GULP1: variants seen among roughly 807,000 people sequenced by gnomAD.
The protein encoded by GULP1 is GULP PTB domain containing engulfment adaptor 1.
A neutral mutation model predicts 40.9 loss-of-function variants in GULP1; 19 were observed. The observed-to-expected ratio is 0.46, with a 90% CI of 0.32 to 0.68. The LOEUF (loss-of-function observed/expected upper bound fraction) is 0.68. Among genes scored for constraint, GULP1 ranks in the 30% least tolerant of loss-of-function variants. GULP1 has a pLI of 0.03. For missense variants in GULP1, 312 were observed against 362.2 expected, an observed-to-expected ratio of 0.86 and a Z score of 1.12; for synonymous variants, 119 against 117.6, an observed-to-expected ratio of 1.01 and a Z score of -0.08.
chr2:188,363,484 T>C (rs983588751), intron 1 of GULP1, among the ~76,000 whole-genome samples: 7 of 152,170 alleles, frequency 4.6e-5, no homozygotes, highest in Middle Eastern at 3.4e-3. Context: ...GGATGGTAGA[T>C]AGGTGGGTGG....
chr2:188,429,041 A>G (rs1009725121), intron 2 of GULP1, among the ~76,000 whole-genome samples: 3 of 152,178 alleles, frequency 2.0e-5, no homozygotes, highest in Admixed American at 6.5e-5. Context: ...AACATATTAT[A>G]TTGTTAGATA....
At chr2:188,324,904 G>A (rs1315896040) in intron 1 of GULP1, among the ~76,000 whole-genome samples, 1 of 151,924 alleles carries the variant, frequency 6.6e-6, no homozygotes, top group African/African-American at 2.4e-5. Context: ...AAACACAGAA[G>A]TCAGAAGACA....
Position 188,426,803 on chromosome 2 carries a change from T to A in GULP1, c.-45+42914T>A, listed in dbSNP as rs931289750. Among the ~76,000 whole-genome samples, 3 of 152,140 alleles carry A rather than the reference T, an allele frequency of 2.0e-5. No individual in the cohort carries two copies. The South Asian group carries it at 6.2e-4, about 31-fold the overall frequency. Reference sequence around the variant, plus strand: ...ATAAAGATACCTGAAAATGTGAAAGTAACTTTGGAACTGGGTCATGGGCAG... The same window carrying A: ...ATAAAGATACCTGAAAATGTGAAAGAAACTTTGGAACTGGGTCATGGGCAG... On this transcript the variant is annotated intron_variant, in intron 2 of 11. Transcript: ENST00000409830.
At chr2:188,568,154 A>T (rs1348825789) in intron 7 of GULP1, among the ~76,000 whole-genome samples, 1 of 152,158 alleles carries the variant, frequency 6.6e-6, no homozygotes, top group East Asian at 1.9e-4. Context: ...TAAAAATTCT[A>T]TTAAATGATA....
At chr2:188,317,556 G>T (rs2039289545) in intron 1 of GULP1, among the ~76,000 whole-genome samples, 1 of 151,870 alleles carries the variant, frequency 6.6e-6, no homozygotes, top group African/African-American at 2.4e-5. Flanking sequence ...CCAGATTATG[G>T]TGCAGTCTGT....
chr2:188,317,837 A>G (rs2039352429), intron 1 of GULP1, among the ~76,000 whole-genome samples: 1 of 151,882 alleles, frequency 6.6e-6, no homozygotes, highest in Non-Finnish European at 1.5e-5. Flanking sequence ...TGGATCGAAG[A>G]TGATATTAGA....
intron 2 of GULP1, among the ~76,000 whole-genome samples, chr2:188,429,111 A>G (rs991061927): frequency 6.6e-6 from 1 of 152,150 alleles, no homozygotes; most frequent in African/African-American, 2.4e-5. Flanking sequence ...ACTATATCAC[A>G]TGAAGGCAGT....
At chr2:188,547,283 A>G (rs895276548) in intron 7 of GULP1, among the ~76,000 whole-genome samples, 3 of 151,912 alleles carry the variant, frequency 2.0e-5, no homozygotes, top group African/African-American at 7.2e-5. Flanking sequence ...CCTCAGGAAC[A>G]TAAATGTAAA....
intron 3 of GULP1, among the ~76,000 whole-genome samples, chr2:188,481,662 T>A (rs910342600): frequency 1.3e-5 from 2 of 151,942 alleles, no homozygotes; most frequent in African/African-American, 2.4e-5. Context: ...AAATTATTAA[T>A]ACCTCTCTGC....
intron 2 of GULP1, among the ~76,000 whole-genome samples, chr2:188,441,566 T>C (rs2057937645): frequency 6.6e-6 from 1 of 152,158 alleles, no homozygotes; most frequent in South Asian, 2.1e-4. Flanking sequence ...TAAGGGGTGT[T>C]TGCATTCAGG....
intron 7 of GULP1, among the ~76,000 whole-genome samples, chr2:188,568,689 C>T (rs1320923045): frequency 6.6e-6 from 1 of 152,116 alleles, no homozygotes; most frequent in Non-Finnish European, 1.5e-5. Flanking sequence ...TCACTTCCAC[C>T]AGGCAACAAT....
At chr2:188,479,694 T>A (rs2061302273) in intron 3 of GULP1, among the ~76,000 whole-genome samples, 2 of 152,146 alleles carry the variant, frequency 1.3e-5, no homozygotes, top group African/African-American at 4.8e-5. Context: ...ATGCTTATAA[T>A]CCTCCTTTCC....
At chr2:188,413,747 A>G (rs998989347) in intron 2 of GULP1, among the ~76,000 whole-genome samples, 1 of 152,194 alleles carries the variant, frequency 6.6e-6, no homozygotes, top group African/African-American at 2.4e-5. Context: ...TGCTTACATA[A>G]GGAATTGAAA....
At chr2:188,415,383 C>T (rs1188356577) in intron 2 of GULP1, among the ~76,000 whole-genome samples, 1 of 151,974 alleles carries the variant, frequency 6.6e-6, no homozygotes, top group African/African-American at 2.4e-5. Flanking sequence ...CAGGGCTGTA[C>T]ATATCTGTCT....
intron 1 of GULP1, among the ~76,000 whole-genome samples, chr2:188,375,627 G>A (rs1425979006): frequency 2.0e-5 from 3 of 152,194 alleles, no homozygotes; most frequent in African/African-American, 7.2e-5. Context: ...CAGCTTTTAG[G>A]AGTAACAGGT....
intron 6 of GULP1, among the ~76,000 whole-genome samples, chr2:188,538,361 C>G (rs1035363690): frequency 1.3e-5 from 2 of 151,844 alleles, no homozygotes; most frequent in African/African-American, 2.4e-5. Context: ...AATTCTATTC[C>G]CAGAAGTGAG....
chr2:188,545,606 T>C (rs1314170740), intron 7 of GULP1, among the ~76,000 whole-genome samples: 3 of 151,624 alleles, frequency 2.0e-5, no homozygotes, highest in Admixed American at 1.3e-4. Context: ...AAAAGCACTA[T>C]AGAGAAATTA....
At position 188,317,963 on chromosome 2, in the gene GULP1, A is replaced by G. The variant is rs531524281; in HGVS notation, c.-172+25797A>G. 2.6e-5 allele frequency among the ~76,000 whole-genome samples: 4 copies of G among 152,200 alleles called. No homozygotes were observed. In the South Asian group the frequency reaches 8.3e-4, roughly 32 times the overall value. On this transcript the variant is annotated intron_variant, in intron 1 of 11. Transcript: ENST00000409830. ...TTGTTCATTTTTGATACCTTGGCAA[A>G]CTAATCTTTAGTGTCAGCCAAAATT...
At chr2:188,558,826 C>G (rs1487220735) in intron 7 of GULP1, among the ~76,000 whole-genome samples, 1 of 152,116 alleles carries the variant, frequency 6.6e-6, no homozygotes, top group Non-Finnish European at 1.5e-5. Context: ...TGCTCCTGCA[C>G]TAGAGATTTG....
Sources: gnomAD v4.1 joint callset for allele counts (sites outside exome capture counted in the v4.1 genomes callset) on GRCh38, gnomAD v4.1.1 for gene constraint, MANE v1.5 for transcripts, NCBI Gene and HGNC (gene_info 2026-07-23, HGNC 2026-07-21) for gene names.